The following CADM2 variants were observed in gnomAD, a reference collection of about 807,000 sequenced individuals.
CADM2 encodes the protein immunoglobulin superfamily member 4D.
CADM2 carries 12 observed loss-of-function variants against 49.8 expected under a neutral mutation model. That is an observed-to-expected ratio of 0.24 (90% CI 0.15 to 0.39). The LOEUF is 0.39. CADM2 is among the 10% of genes least tolerant of loss of function. The pLI, the probability that CADM2 is intolerant of heterozygous loss-of-function variation, is 1.00. For synonymous variants in CADM2, 214 were observed against 175.4 expected (o/e 1.22, Z -1.74); for missense variants, 378 against 492.3 (o/e 0.77, Z 2.20).
In CADM2 at chr3:85,746,713, C is replaced by T. The variant is rs1267086650; in HGVS notation, c.88+20165C>T. On this transcript the variant is annotated intron_variant, in intron 2 of 9. Transcript: ENST00000383699. Reference sequence around the variant, plus strand: ...TTCTGAGGAAAAATTTCTCAGGAATCCCTCTGAACCATCTAGAGCTCACAT... The same window carrying T: ...TTCTGAGGAAAAATTTCTCAGGAATTCCTCTGAACCATCTAGAGCTCACAT... Among the ~76,000 whole-genome samples, 3 of 152,072 alleles carry T rather than the reference C, an allele frequency of 2.0e-5. No individual in the cohort carries two copies. In the East Asian group the frequency reaches 5.8e-4, roughly 29 times the overall value.
chr3:85,690,014 G>A (rs1165220247), intron 1 of CADM2, among the ~76,000 whole-genome samples: 1 of 152,162 alleles, frequency 6.6e-6, no homozygotes, highest in African/African-American at 2.4e-5. Flanking sequence ...AAGACCTTGA[G>A]GTCCCATGCA....
chr3:85,556,032 A>AT (rs1576794687), intron 1 of CADM2, among the ~76,000 whole-genome samples: 2 of 151,988 alleles, frequency 1.3e-5, no homozygotes, highest in South Asian at 4.2e-4. Context: ...AGGGGCATTG[A>AT]CCCCCATGTA....
At chr3:85,672,147 GACAA>G (rs1481283806) in intron 1 of CADM2, among the ~76,000 whole-genome samples, 1 of 149,100 alleles carries the variant, frequency 6.7e-6, no homozygotes, top group African/African-American at 2.4e-5. Flanking sequence ...GAAATAAACA[GACAA>G]GTAAAATTTA....
chr3:85,256,440 T>G (rs1040372708), intron 1 of CADM2, among the ~76,000 whole-genome samples: 2 of 152,084 alleles, frequency 1.3e-5, no homozygotes, highest in Admixed American at 6.6e-5. Flanking sequence ...AATGCACCTG[T>G]GAAAACTAAG....
chr3:85,516,536 T>G (rs2060907701), intron 1 of CADM2, among the ~76,000 whole-genome samples: 1 of 152,132 alleles, frequency 6.6e-6, no homozygotes, highest in Admixed American at 6.5e-5. Flanking sequence ...TCTTTTCAAT[T>G]ACCAGAGATT....
intron 1 of CADM2, among the ~76,000 whole-genome samples, chr3:85,110,888 T>A (rs2038431459): frequency 6.6e-6 from 1 of 151,864 alleles, no homozygotes; most frequent in South Asian, 2.1e-4. Flanking sequence ...GATTTGTCTG[T>A]TTTAAGCTCA....
chr3:85,871,531 G>A (rs1445235199), intron 3 of CADM2, among the ~76,000 whole-genome samples: 2 of 152,018 alleles, frequency 1.3e-5, no homozygotes, highest in African/African-American at 4.8e-5. Flanking sequence ...TGTAACTTTG[G>A]GTGAGTTACT....
intron 2 of CADM2, among the ~76,000 whole-genome samples, chr3:85,755,829 A>G (rs536550014): frequency 2.0e-5 from 3 of 152,262 alleles, no homozygotes; most frequent in African/African-American, 7.2e-5. Flanking sequence ...AACACCAGGG[A>G]TTATAATTTC....
chr3:85,659,627 A>G (rs2065337178), intron 1 of CADM2, among the ~76,000 whole-genome samples: 2 of 152,148 alleles, frequency 1.3e-5, no homozygotes, highest in Admixed American at 6.6e-5. Flanking sequence ...ATAAATCCTT[A>G]TGTAGCATTT....
intron 3 of CADM2, among the ~76,000 whole-genome samples, chr3:85,861,527 C>T (rs1209965247): frequency 6.6e-6 from 1 of 152,110 alleles, no homozygotes; most frequent in Non-Finnish European, 1.5e-5. Context: ...GACTGTTATG[C>T]ATGCAACTGG....
At chr3:85,963,435 G>C (rs775808589) in intron 8 of CADM2, among the ~76,000 whole-genome samples, 1 of 151,840 alleles carries the variant, frequency 6.6e-6, no homozygotes, top group Non-Finnish European at 1.5e-5. Context: ...CTTAGAGCAG[G>C]ATCCAAGAGT....
At chr3:85,385,818 A>G (rs1410324829) in intron 1 of CADM2, 2 of 43,040 alleles carry the variant, frequency 4.6e-5, no homozygotes, top group Admixed American at 5.9e-4. Context: ...TTTTTTTTGG[A>G]AACTAGATGC....
chr3:85,612,572 T>C (rs2063706275), intron 1 of CADM2, among the ~76,000 whole-genome samples: 1 of 151,872 alleles, frequency 6.6e-6, no homozygotes, highest in Non-Finnish European at 1.5e-5. Context: ...ACTGAAAATA[T>C]ATTAGTTAAG....
chr3:85,416,883 C>T (rs968445304), intron 1 of CADM2, among the ~76,000 whole-genome samples: 2 of 152,092 alleles, frequency 1.3e-5, no homozygotes, highest in African/African-American at 4.8e-5. Flanking sequence ...GTCTCATTAT[C>T]TTGACTATGC....
At position 85,543,423 on chromosome 3, in the gene CADM2, T is replaced by TGTGTGGGG. The variant is rs143013783; in HGVS notation, c.62-183094_62-183093insGGGGTGTG. ...GCACCGCCACCATGCCAAGCTAATG[T>TGTGTGGGG]GTGTGTGTGTGTGTGTGTGTGTGTG... On this transcript the variant is annotated intron_variant, in intron 1 of 9. Transcript: ENST00000383699. 1.9e-4 allele frequency among the ~76,000 whole-genome samples: 19 copies of TGTGTGGGG among 99,280 alleles called. 1 individual carries two copies. Among genetic ancestry groups the TGTGTGGGG allele is most frequent in the South Asian group, 4.7e-4 (1 of 2,126 alleles). 65.1% of individuals were successfully genotyped at this position (99,280 alleles called of 152,430 possible).
chr3:85,947,737 C>T (rs1482982088), intron 7 of CADM2, among the ~76,000 whole-genome samples: 2 of 151,492 alleles, frequency 1.3e-5, no homozygotes, highest in Non-Finnish European at 1.5e-5. Context: ...AAGAAGCTGA[C>T]TCTCGGTAAT....
chr3:85,078,885 C>G (rs1034661531), intron 1 of CADM2, among the ~76,000 whole-genome samples: 4 of 151,714 alleles, frequency 2.6e-5, no homozygotes, highest in Non-Finnish European at 5.9e-5. Context: ...GTAGTCTGCA[C>G]TTCCAGGGTG....
chr3:85,485,382 A>T (rs2039375188), intron 1 of CADM2, among the ~76,000 whole-genome samples: 1 of 152,016 alleles, frequency 6.6e-6, no homozygotes. Flanking sequence ...ATCAGCCCAA[A>T]GCATTGTTAA....
At chr3:85,624,835 G>A (rs747863100) in intron 1 of CADM2, among the ~76,000 whole-genome samples, 4 of 152,008 alleles carry the variant, frequency 2.6e-5, no homozygotes, top group Non-Finnish European at 5.9e-5. Flanking sequence ...TGGGTATTTA[G>A]TAGGTGTATA....
Sources: allele counts gnomAD v4.1 joint callset (sites outside exome capture counted in the v4.1 genomes callset), GRCh38; gene constraint gnomAD v4.1.1; transcripts MANE v1.5; gene names NCBI Gene and HGNC (gene_info 2026-07-23, HGNC 2026-07-21).